PLXDC2: variants seen among roughly 807,000 people sequenced by gnomAD.
The protein encoded by PLXDC2 is plexin domain-containing protein 2.
In PLXDC2, 40 loss-of-function variants were observed where a neutral mutation model predicts 68.9. That is an observed-to-expected ratio of 0.58 (90% CI 0.45 to 0.76). The LOEUF (loss-of-function observed/expected upper bound fraction) is 0.76, where lower values mean the gene tolerates loss of function less well. PLXDC2 is among the 30% of genes least tolerant of loss of function. PLXDC2 has a pLI of 0.00. For synonymous variants in PLXDC2, 243 were observed against 234.2 expected (o/e 1.04, Z -0.34); for missense variants, 644 against 661.9 (o/e 0.97, Z 0.30).
intron 1 of PLXDC2, among the ~76,000 whole-genome samples, chr10:19,899,372 C>A (rs1388030211): frequency 6.6e-6 from 1 of 152,180 alleles, no homozygotes; most frequent in East Asian, 1.9e-4. Flanking sequence ...ATCAAACAAC[C>A]TGCTTGCCCT....
At chr10:20,127,274 C>T (rs1300445152) in intron 4 of PLXDC2, among the ~76,000 whole-genome samples, 2 of 152,046 alleles carry the variant, frequency 1.3e-5, no homozygotes, top group East Asian at 1.9e-4. Context: ...CAGGACATTG[C>T]GTGTTCTGAT....
chr10:19,910,581 T>A (rs1218884956), intron 1 of PLXDC2, among the ~76,000 whole-genome samples: 1 of 150,084 alleles, frequency 6.7e-6, no homozygotes, highest in Non-Finnish European at 1.5e-5. Context: ...CATCACTTTT[T>A]AAGTGGTTGC....
intron 12 of PLXDC2, among the ~76,000 whole-genome samples, chr10:20,230,488 G>A (rs774503262): frequency 3.3e-4 from 50 of 151,640 alleles, no homozygotes; most frequent in Admixed American, 2.5e-3. Flanking sequence ...TGGGCACCAT[G>A]GTGAAACCCC....
At chr10:19,971,875 C>T (rs770319294) in intron 1 of PLXDC2, among the ~76,000 whole-genome samples, 2 of 151,908 alleles carry the variant, frequency 1.3e-5, no homozygotes, top group East Asian at 1.9e-4. Context: ...ATTGCCATGC[C>T]GAGAGGAAGA....
At chr10:19,883,290 A>G (rs201676920) in intron 1 of PLXDC2, among the ~76,000 whole-genome samples, 1 of 78,616 alleles carries the variant, frequency 1.3e-5, no homozygotes, top group Non-Finnish European at 2.6e-5. Flanking sequence ...ACAAAATTGC[A>G]AGTTAAAAGT....
At chr10:20,010,566 G>A (rs1436016141) in intron 2 of PLXDC2, among the ~76,000 whole-genome samples, 4 of 152,136 alleles carry the variant, frequency 2.6e-5, no homozygotes, top group Non-Finnish European at 5.9e-5. Context: ...GTTCCATGAA[G>A]AATAACTGAA....
intron 1 of PLXDC2, among the ~76,000 whole-genome samples, chr10:19,936,421 G>T (rs1203776925): frequency 1.3e-5 from 2 of 152,192 alleles, no homozygotes; most frequent in African/African-American, 4.8e-5. Context: ...ATCTGACACT[G>T]CACTGCAAAA....
chr10:20,061,831 T>C (rs777988024), intron 3 of PLXDC2, among the ~76,000 whole-genome samples: 1 of 152,220 alleles, frequency 6.6e-6, no homozygotes, highest in Non-Finnish European at 1.5e-5. Context: ...ACCGATTCTA[T>C]TAGAAAAACA....
rs1367471085 is a variant in PLXDC2, at chr10:20,104,834, C to G, written c.541+36595C>G. Among the ~76,000 whole-genome samples the G allele has an allele frequency of 3.9e-5, 6 of 152,104 alleles. No homozygotes were observed. The South Asian group carries it at 1.2e-3, about 32-fold the overall frequency. ...GCGGGAAGCTGAGGCAAGTGGATCA[C>G]GAAGTCAGGAGATCGAGACCATCCT... On this transcript the variant is annotated intron_variant, in intron 4 of 13. Transcript: ENST00000377252.
chr10:20,040,095 C>T (rs1835655427), intron 2 of PLXDC2, among the ~76,000 whole-genome samples: 1 of 152,114 alleles, frequency 6.6e-6, no homozygotes, highest in Non-Finnish European at 1.5e-5. Flanking sequence ...TCCTCATTAA[C>T]CTTTAACCAG....
At chr10:20,162,163 G>A (rs571601250) in intron 6 of PLXDC2, among the ~76,000 whole-genome samples, 23 of 150,278 alleles carry the variant, frequency 1.5e-4, no homozygotes, top group African/African-American at 5.4e-4. Context: ...AGGAAGGAAG[G>A]AAGAGAAAAG....
chr10:19,964,622 C>T (rs1325597914), intron 1 of PLXDC2, among the ~76,000 whole-genome samples: 1 of 152,212 alleles, frequency 6.6e-6, no homozygotes, highest in Non-Finnish European at 1.5e-5. Flanking sequence ...TTCTCTGGCA[C>T]AGGATCACAC....
chr10:20,168,663 T>C (rs1244042853), intron 7 of PLXDC2, among the ~76,000 whole-genome samples: 2 of 152,226 alleles, frequency 1.3e-5, no homozygotes, highest in African/African-American at 4.8e-5. Flanking sequence ...AATCAGCTAA[T>C]TCAACATCCA....
Position 20,126,048 on chromosome 10 carries a change from G to A in PLXDC2, c.542-17247G>A, listed in dbSNP as rs143162909. Among the ~76,000 whole-genome samples the A allele has an allele frequency of 5.8e-3, 856 of 146,846 alleles. 15 individuals are homozygous for A. The highest frequency in any genetic ancestry group is 0.019 in the African/African-American group (779 of 40,320). On this transcript the variant is annotated intron_variant, in intron 4 of 13. Transcript: ENST00000377252. ...TACACACATACATTTGTACATTTGC[G>A]TATACATATATACACATATTTAATA...
chr10:20,248,345 A>G (rs376375452), intron 13 of PLXDC2, among the ~76,000 whole-genome samples: 6 of 152,194 alleles, frequency 3.9e-5, no homozygotes, highest in African/African-American at 1.4e-4. Flanking sequence ...ACATGTATTT[A>G]TAGAATATTA....
At chr10:20,182,939 A>C (rs1834627920) in intron 9 of PLXDC2, among the ~76,000 whole-genome samples, 1 of 151,990 alleles carries the variant, frequency 6.6e-6, no homozygotes, top group African/African-American at 2.4e-5. Context: ...GAGTGAGAAC[A>C]TGAGGTGTTT....
At chr10:20,227,744 A>G (rs1835305151) in intron 12 of PLXDC2, among the ~76,000 whole-genome samples, 1 of 152,154 alleles carries the variant, frequency 6.6e-6, no homozygotes, top group Admixed American at 6.5e-5. Flanking sequence ...GACACATTTT[A>G]CATGTTTAGT....
intron 2 of PLXDC2, among the ~76,000 whole-genome samples, chr10:20,033,219 T>C (rs1835529752): frequency 6.6e-6 from 1 of 150,460 alleles, no homozygotes; most frequent in Admixed American, 6.6e-5. Context: ...AAAAATAAAA[T>C]AAAAGGATCC....
At chr10:19,980,181 CTTGT>C (rs1035990553) in intron 1 of PLXDC2, among the ~76,000 whole-genome samples, 3 of 152,122 alleles carry the variant, frequency 2.0e-5, no homozygotes, top group East Asian at 1.9e-4. Context: ...GCAAGATGTT[CTTGT>C]TTGTTTGACA....
Sources: allele counts gnomAD v4.1 joint callset (sites outside exome capture counted in the v4.1 genomes callset), GRCh38; gene constraint gnomAD v4.1.1; transcripts MANE v1.5; gene names NCBI Gene and HGNC (gene_info 2026-07-23, HGNC 2026-07-21).